Variants in PPARGC1A observed in about 807,000 individuals in gnomAD.
PPARGC1A encodes peroxisome proliferator-activated receptor gamma coactivator 1-alpha.
Under a neutral mutation model 88.7 loss-of-function variants are expected in PPARGC1A, and 25 were observed. That is an observed-to-expected ratio of 0.28 (90% CI 0.21 to 0.39). The LOEUF (loss-of-function observed/expected upper bound fraction) is 0.39, where lower values mean the gene tolerates loss of function less well. Among genes scored for constraint, PPARGC1A ranks in the 10% least tolerant of loss-of-function variants. PPARGC1A has a pLI of 1.00. For synonymous variants in PPARGC1A, 363 were observed against 355.6 expected (o/e 1.02, Z -0.24); for missense variants, 880 against 968.7 (o/e 0.91, Z 1.22).
the PPARGC1A span, among the ~76,000 whole-genome samples, chr4:24,277,937 G>A: frequency 2.6e-5 from 4 of 152,158 alleles, no homozygotes; most frequent in Admixed American, 6.5e-5. Context: ...GGCTTTGGGA[G>A]GCTGAGGCTG....
the PPARGC1A span, among the ~76,000 whole-genome samples, chr4:24,166,917 CACAGCATCCAT>C: frequency 6.6e-6 from 1 of 152,192 alleles, no homozygotes; most frequent in Non-Finnish European, 1.5e-5. Flanking sequence ...TGTCTGCTAA[CACAGCATCCAT>C]TCTGCAGCTC....
chr4:24,333,388 A>G, the PPARGC1A span, among the ~76,000 whole-genome samples: 4 of 152,334 alleles, frequency 2.6e-5, no homozygotes, highest in Non-Finnish European at 5.9e-5. Flanking sequence ...GAGTTTCATG[A>G]TTCATTCACA....
chr4:24,198,474 A>T, the PPARGC1A span, among the ~76,000 whole-genome samples: 1 of 152,228 alleles, frequency 6.6e-6, no homozygotes, highest in East Asian at 1.9e-4. Flanking sequence ...TCTCAAGCAC[A>T]TGCCCCCTCA....
chr4:24,403,524 C>T, the PPARGC1A span, among the ~76,000 whole-genome samples: 3 of 152,300 alleles, frequency 2.0e-5, no homozygotes, highest in South Asian at 6.2e-4. Flanking sequence ...CAGCATTCCA[C>T]CCAGTGCGGC....
chr4:24,405,111 T>C, the PPARGC1A span, among the ~76,000 whole-genome samples: 1 of 152,184 alleles, frequency 6.6e-6, no homozygotes, highest in South Asian at 2.1e-4. Flanking sequence ...AAGGGCTTTA[T>C]GTCCCCAGGG....
the PPARGC1A span, among the ~76,000 whole-genome samples, chr4:23,979,752 G>A: frequency 2.0e-5 from 3 of 152,172 alleles, no homozygotes; most frequent in Non-Finnish European, 4.4e-5. Context: ...ATAACCATTT[G>A]GATGGTTTTG....
chr4:24,126,731 T>C, the PPARGC1A span, among the ~76,000 whole-genome samples: 132 of 152,246 alleles, frequency 8.7e-4, 2 homozygotes, highest in East Asian at 0.024. Flanking sequence ...CTGATGTTAA[T>C]TATGAGTTCC....
At chr4:23,932,296 T>TAGTTCCTCGCTC in the PPARGC1A span, among the ~76,000 whole-genome samples, 3 of 152,160 alleles carry the variant, frequency 2.0e-5, no homozygotes, top group Non-Finnish European at 4.4e-5. Flanking sequence ...GTTCCTCGCT[T>TAGTTCCTCGCTC]AGTTCCTCGC....
chr4:23,944,784 G>A, the PPARGC1A span, among the ~76,000 whole-genome samples: 2 of 152,100 alleles, frequency 1.3e-5, no homozygotes, highest in Admixed American at 6.6e-5. Flanking sequence ...TGCTGCTGCC[G>A]TGTAAAGAGG....
the PPARGC1A span, among the ~76,000 whole-genome samples, chr4:24,115,735 T>C: frequency 6.6e-6 from 1 of 152,088 alleles, no homozygotes; most frequent in African/African-American, 2.4e-5. Flanking sequence ...TATTAGAAAA[T>C]CATTAATGGC....
chr4:23,874,867 C>T (rs1007888063), intron 2 of PPARGC1A, among the ~76,000 whole-genome samples: 2 of 152,174 alleles, frequency 1.3e-5, no homozygotes, highest in Non-Finnish European at 2.9e-5. Flanking sequence ...TACAAGTGTT[C>T]GCTTCCACAA....
chr4:23,922,457 T>C, the PPARGC1A span, among the ~76,000 whole-genome samples: 2 of 152,210 alleles, frequency 1.3e-5, no homozygotes, highest in Non-Finnish European at 2.9e-5. Context: ...ATTCACACAA[T>C]AGCTAAGATG....
chr4:23,867,091 T>C (rs1339949575), intron 2 of PPARGC1A, among the ~76,000 whole-genome samples: 3 of 152,244 alleles, frequency 2.0e-5, no homozygotes, highest in African/African-American at 7.2e-5. Context: ...TTCTGACTTA[T>C]TGAAGACTCA....
At chr4:24,104,544 T>G in the PPARGC1A span, among the ~76,000 whole-genome samples, 13 of 152,230 alleles carry the variant, frequency 8.5e-5, no homozygotes, top group Admixed American at 2.6e-4. Context: ...TGGACCGTCC[T>G]TGTTAGAGTG....
the PPARGC1A span, among the ~76,000 whole-genome samples, chr4:24,230,227 T>C: frequency 6.6e-6 from 1 of 152,174 alleles, no homozygotes; most frequent in Non-Finnish European, 1.5e-5. Context: ...CAAGCCCTGG[T>C]ATTTGGCTAG....
At chr4:24,003,356 T>C in the PPARGC1A span, among the ~76,000 whole-genome samples, 1 of 152,208 alleles carries the variant, frequency 6.6e-6, no homozygotes, top group Admixed American at 6.5e-5. Flanking sequence ...CTTAGTTGAA[T>C]ATATTTTTAA....
chr4:23,906,849 T>A (rs1344700822), upstream of PPARGC1A, among the ~76,000 whole-genome samples: 1 of 152,152 alleles, frequency 6.6e-6, no homozygotes, highest in Non-Finnish European at 1.5e-5. Context: ...GGTGCCAGCC[T>A]TCAGAAAGTG....
intron 2 of PPARGC1A, among the ~76,000 whole-genome samples, chr4:23,846,383 T>C (rs1728328863): frequency 6.6e-6 from 1 of 152,210 alleles, no homozygotes; most frequent in Admixed American, 6.6e-5. Flanking sequence ...TTGGAACTAT[T>C]GGCTCCTTAG....
chr4:23,925,837 A>C, the PPARGC1A span, among the ~76,000 whole-genome samples: 7 of 70,544 alleles, frequency 9.9e-5, no homozygotes, highest in Non-Finnish European at 1.5e-4. Flanking sequence ...AATACTAGAA[A>C]GAGAGAGAGA....
Sources: allele counts gnomAD v4.1 joint callset (sites outside exome capture counted in the v4.1 genomes callset), GRCh38; gene constraint gnomAD v4.1.1; transcripts MANE v1.5; gene names NCBI Gene and HGNC (gene_info 2026-07-23, HGNC 2026-07-21).